Variants in VAV3 observed in about 807,000 individuals in gnomAD.
The protein encoded by VAV3 is vav guanine nucleotide exchange factor 3.
In VAV3, 94 loss-of-function variants were observed where a neutral mutation model predicts 131.2. The ratio of observed to expected loss-of-function variants is 0.72; its 90% CI spans 0.61 to 0.85. VAV3 has a LOEUF of 0.85. VAV3 is among the 40% of genes least tolerant of loss of function. The pLI is 0.00. For missense variants in VAV3, 939 were observed against 1,002.7 expected (o/e 0.94, Z 0.86); for synonymous variants, 349 against 342.0 (o/e 1.02, Z -0.22).
At chr1:107,833,393 A>T (rs779238597) in intron 2 of VAV3, among the ~76,000 whole-genome samples, 7 of 152,230 alleles carry the variant, frequency 4.6e-5, no homozygotes, top group Non-Finnish European at 7.3e-5. Flanking sequence ...TTTGAAGCTA[A>T]CAGAGGTTGG....
intron 1 of VAV3, among the ~76,000 whole-genome samples, chr1:107,941,967 C>T (rs1208237951): frequency 2.0e-5 from 3 of 152,164 alleles, no homozygotes; most frequent in Non-Finnish European, 4.4e-5. Flanking sequence ...AGGCCACATC[C>T]AGCCAGCCCT....
At chr1:107,736,412 C>A (rs1228653119) in intron 15 of VAV3, among the ~76,000 whole-genome samples, 3 of 152,142 alleles carry the variant, frequency 2.0e-5, no homozygotes, top group Non-Finnish European at 4.4e-5. Flanking sequence ...AAGAGGAAAT[C>A]AAATTGTCCC....
At chr1:107,643,734 G>A (rs563693200) in intron 19 of VAV3, among the ~76,000 whole-genome samples, 1 of 152,224 alleles carries the variant, frequency 6.6e-6, no homozygotes, top group African/African-American at 2.4e-5. Context: ...AAGTTACCTA[G>A]AAAACTCTCA....
At chr1:107,604,024 A>G (rs1007890156) in intron 22 of VAV3, among the ~76,000 whole-genome samples, 2 of 146,074 alleles carry the variant, frequency 1.4e-5, no homozygotes, top group Non-Finnish European at 3.0e-5. Context: ...AAACTCCATA[A>G]TAACTGTAAT....
At chr1:107,788,060 G>T in intron 2 of VAV3, among the ~76,000 whole-genome samples, 1 of 152,018 alleles carries the variant, frequency 6.6e-6, no homozygotes, top group East Asian at 1.9e-4. Flanking sequence ...GACTCTCTCA[G>T]ATCCAATCCC....
chr1:107,880,526 T>C (rs756906979), intron 1 of VAV3, among the ~76,000 whole-genome samples: 9 of 152,098 alleles, frequency 5.9e-5, no homozygotes, highest in South Asian at 2.1e-4. Context: ...CCAGATGCGG[T>C]GGCTCATGTC....
intron 15 of VAV3, among the ~76,000 whole-genome samples, chr1:107,745,565 T>G (rs1013328536): frequency 2.6e-5 from 4 of 152,168 alleles, no homozygotes; most frequent in African/African-American, 9.7e-5. Flanking sequence ...AGACAGAGGC[T>G]GAGATTTAGG....
In VAV3 at chr1:107,617,577, G is replaced by A. The variant is rs1204501050; in HGVS notation, c.1970C>T (p.Pro657Leu). Residue 657 changes from proline to leucine, a missense_variant, in exon 21 of 27, where the codon CCT (proline) becomes CTT (leucine). Coordinates refer to ENST00000370056, the MANE Select transcript of VAV3 (RefSeq NM_006113.5). ...GATACTAATACTTACACATGGGCAAGGCTTGACTGCATCACTTGGAAAAAA... is the reference window on the plus strand; with the variant it reads ...GATACTAATACTTACACATGGGCAAAGCTTGACTGCATCACTTGGAAAAAA... ...VGFFPSDAVK[P>L]CPCVPKPVDY... 1.2e-6 allele frequency: 2 copies of A among 1,612,510 alleles called. No homozygotes were observed. Among genetic ancestry groups the A allele is most frequent in the Admixed American group, 3.3e-5 (2 of 59,894 alleles).
chr1:107,932,447 G>A (rs1310836902), intron 1 of VAV3, among the ~76,000 whole-genome samples: 1 of 152,176 alleles, frequency 6.6e-6, no homozygotes, highest in Non-Finnish European at 1.5e-5. Context: ...GTGATTTGAT[G>A]GGAACAAAGC....
chr1:107,902,069 A>G (rs76718848), intron 1 of VAV3, among the ~76,000 whole-genome samples: 1 of 151,998 alleles, frequency 6.6e-6, no homozygotes, highest in African/African-American at 2.4e-5. Flanking sequence ...AAAAACAACA[A>G]CAAAAACTGT....
chr1:107,777,938 G>C (rs1466916947), intron 3 of VAV3, among the ~76,000 whole-genome samples: 1 of 152,132 alleles, frequency 6.6e-6, no homozygotes, highest in Non-Finnish European at 1.5e-5. Flanking sequence ...CCCTATTCAA[G>C]AAAATCACCT....
rs1183656153 is a variant in VAV3, at chr1:107,596,241, C to T, written c.2321G>A (p.Gly774Glu). 1 of 1,613,458 alleles carries T rather than the reference C, an allele frequency of 6.2e-7. No individual in the cohort carries two copies. The highest frequency in any genetic ancestry group is 2.2e-5 in the East Asian group (1 of 44,860). ...FPYKEPEHSA[G>E]QRGNRAGNSL... Reference sequence around the variant, plus strand: ...GTTGCCTGCTCTATTACCCCTCTGTCCAGCTGAATGTTCTGGCTCCTTGTA... The same window carrying T: ...GTTGCCTGCTCTATTACCCCTCTGTTCAGCTGAATGTTCTGGCTCCTTGTA... The change falls in exon 25 of 27, where the codon GGA becomes GAA. Residue 774 changes from glycine (G) to glutamate (E), a missense_variant. Gly to Glu is a moderately conservative substitution (Grantham distance 98, BLOSUM62 -2). Transcript: ENST00000370056.
At chr1:107,793,031 A>G (rs935682867) in intron 2 of VAV3, among the ~76,000 whole-genome samples, 4 of 152,166 alleles carry the variant, frequency 2.6e-5, no homozygotes, top group Admixed American at 1.3e-4. Context: ...ATGACGATAA[A>G]TAAGTGTCAT....
At chr1:107,858,968 G>A (rs974698637) in intron 2 of VAV3, among the ~76,000 whole-genome samples, 1 of 152,060 alleles carries the variant, frequency 6.6e-6, no homozygotes, top group Non-Finnish European at 1.5e-5. Context: ...TAAATAATTT[G>A]GGGTTTGGGT....
At chr1:107,661,270 T>C (rs1336656143) in intron 19 of VAV3, among the ~76,000 whole-genome samples, 5 of 152,152 alleles carry the variant, frequency 3.3e-5, no homozygotes, top group Non-Finnish European at 2.9e-5. Context: ...CTGTGACATG[T>C]ACACACAAGA....
At chr1:107,733,944 T>C (rs1662427387) in intron 15 of VAV3, among the ~76,000 whole-genome samples, 6 of 152,072 alleles carry the variant, frequency 3.9e-5, no homozygotes, top group Admixed American at 3.9e-4. Flanking sequence ...GAAAACATGT[T>C]AAAGGCAGCC....
chr1:107,631,270 A>C (rs1035031970), intron 20 of VAV3, among the ~76,000 whole-genome samples: 3 of 152,034 alleles, frequency 2.0e-5, no homozygotes, highest in Non-Finnish European at 4.4e-5. Context: ...TTTTATCACT[A>C]AACCTTTATA....
intron 1 of VAV3, among the ~76,000 whole-genome samples, chr1:107,928,316 A>C (rs918156276): frequency 9.2e-5 from 14 of 152,308 alleles, no homozygotes; most frequent in Admixed American, 8.5e-4. Context: ...CATACTGTGA[A>C]GGCTACAATA....
At position 107,964,816 on chromosome 1, in the gene VAV3, G is replaced by A. The variant is rs763714634; in HGVS notation, c.54C>T (p.Pro18=). 1.2e-6 allele frequency: 2 copies of A among 1,613,744 alleles called. No homozygotes were observed. ...AGTCCCAGGTCACCCGGTGGTTGGT[G>A]GGCAGCACCTTGCAATGGATGAGCC... The part of the protein sequence containing the change: ...AQWLIHCKVL[P]TNHRVTWDSA... The change falls in exon 1 of 27, where the codon CCC becomes CCT. Residue 18 remains proline (P), a synonymous_variant. Coordinates refer to ENST00000370056, the MANE Select transcript of VAV3 (RefSeq NM_006113.5).
Sources: allele counts gnomAD v4.1 joint callset (sites outside exome capture counted in the v4.1 genomes callset), GRCh38; gene constraint gnomAD v4.1.1; transcripts MANE v1.5; gene names NCBI Gene and HGNC (gene_info 2026-07-23, HGNC 2026-07-21).